CPEB3: variants seen among roughly 807,000 people sequenced by gnomAD.
CPEB3 encodes the protein cytoplasmic polyadenylation element-binding protein 3.
Under a neutral mutation model 67.2 loss-of-function variants are expected in CPEB3, and 20 were observed. That is an observed-to-expected ratio of 0.30 (90% CI 0.21 to 0.43). The LOEUF is 0.43. Ranked by LOEUF, CPEB3 falls within the 20% of genes least tolerant of loss-of-function variation. The pLI, the probability that CPEB3 is intolerant of heterozygous loss-of-function variation, is 1.00. For synonymous variants in CPEB3, 376 were observed against 393.1 expected (o/e 0.96, Z 0.51); for missense variants, 746 against 968.6 (o/e 0.77, Z 3.05).
At chr10:92,120,295 A>C (rs1021544234) in intron 6 of CPEB3, among the ~76,000 whole-genome samples, 1 of 148,862 alleles carries the variant, frequency 6.7e-6, no homozygotes, top group Non-Finnish European at 1.5e-5. Context: ...CAAAAAACCA[A>C]ATTGCTAGGC....
intron 5 of CPEB3, among the ~76,000 whole-genome samples, chr10:92,143,626 A>ATT (rs1846543314): frequency 6.6e-6 from 1 of 152,196 alleles, no homozygotes; most frequent in South Asian, 2.1e-4. Flanking sequence ...GTTCTCTTTA[A>ATT]TAACTACATA....
rs1341337834 is a variant in CPEB3, at chr10:92,203,156, T to A, written c.1006-10520A>T. On this transcript the variant is annotated intron_variant, in intron 2 of 9. Transcript: ENST00000265997. The stretch of plus-strand genomic sequence containing the variant: ...CAGGGTTTCACCGTGTTAGCCAGAA[T>A]GGTCTTGATCTCCGGACCTCATGAT... Among the ~76,000 whole-genome samples the A allele has an allele frequency of 2.0e-5, 3 of 151,324 alleles. No homozygotes were observed. In the East Asian group the frequency reaches 5.8e-4, roughly 29 times the overall value.
At chr10:92,103,296 A>G (rs1363628669) in intron 7 of CPEB3, among the ~76,000 whole-genome samples, 9 of 152,226 alleles carry the variant, frequency 5.9e-5, no homozygotes, top group Admixed American at 4.6e-4. Context: ...GAAAGCATAA[A>G]CATAATAGCT....
rs1166249584 is a variant in CPEB3, at chr10:92,098,160, T to TAA, written c.1573-6218_1573-6217dup. On this transcript the variant is annotated intron_variant, in intron 7 of 9. Coordinates refer to ENST00000265997, the MANE Select transcript of CPEB3 (RefSeq NM_014912.5). ...TGGGCAACAAGAGTGACACTCTGCCTAAAAAAAAAAAAAAAAAAAAAAAAA... is the reference window on the plus strand; with the variant it reads ...TGGGCAACAAGAGTGACACTCTGCCTAAAAAAAAAAAAAAAAAAAAAAAAAAA... 1.9e-3 allele frequency among the ~76,000 whole-genome samples: 68 copies of TAA among 36,126 alleles called. 11 individuals are homozygous for TAA. Among genetic ancestry groups the TAA allele is most frequent in the East Asian group, 5.3e-3 (5 of 950 alleles). The allele number at this position is 36,126 out of a possible 152,430, so 23.7% of individuals were successfully genotyped here. A position where few individuals can be genotyped will look rare whatever the true frequency, so the allele number is the denominator to read the frequency against.
chr10:92,188,770 T>C (rs536597074), intron 3 of CPEB3, among the ~76,000 whole-genome samples: 1 of 152,342 alleles, frequency 6.6e-6, no homozygotes, highest in South Asian at 2.1e-4. Flanking sequence ...TTTGTTTAAA[T>C]ATGCATTCTG....
intron 2 of CPEB3, chr10:92,216,842 A>C: frequency 6.4e-7 from 1 of 1,561,538 alleles, no homozygotes; most frequent in Non-Finnish European, 8.8e-7. Context: ...TACTGGGCTG[A>C]CGGCAGGACG....
chr10:92,179,325 T>A (rs1421322999), intron 4 of CPEB3, among the ~76,000 whole-genome samples: 1 of 152,198 alleles, frequency 6.6e-6, no homozygotes, highest in Non-Finnish European at 1.5e-5. Context: ...GAAAAATGTC[T>A]TTTAGCTCCA....
chr10:92,076,006 G>A (rs989256808), intron 9 of CPEB3, among the ~76,000 whole-genome samples: 2 of 152,160 alleles, frequency 1.3e-5, no homozygotes, highest in African/African-American at 4.8e-5. Context: ...TGCTTTCATT[G>A]TTCCAACACT....
intron 6 of CPEB3, among the ~76,000 whole-genome samples, chr10:92,126,514 T>C (rs1845615249): frequency 6.6e-6 from 1 of 152,176 alleles, no homozygotes; most frequent in South Asian, 2.1e-4. Context: ...ACTCCAGCTA[T>C]GTGAGTATGA....
chr10:92,125,624 G>T (rs1171323413), intron 6 of CPEB3, among the ~76,000 whole-genome samples: 1 of 152,146 alleles, frequency 6.6e-6, no homozygotes, highest in Non-Finnish European at 1.5e-5. Context: ...TATTTTCCCA[G>T]TGGGCAATGA....
In CPEB3 at chr10:92,071,401, G is replaced by C. The variant is rs187879185; in HGVS notation, c.1869+9919C>G. On this transcript the variant is annotated intron_variant, in intron 9 of 9. Transcript: ENST00000265997. ...CTATCAAGTCATATGTTTTTGCTAGGCTAAGGGATATTCAACTGATTCTAC... is the reference window on the plus strand; with the variant it reads ...CTATCAAGTCATATGTTTTTGCTAGCCTAAGGGATATTCAACTGATTCTAC... Among the ~76,000 whole-genome samples the C allele has an allele frequency of 5.7e-4, 86 of 152,110 alleles. 1 individual carries two copies. The highest frequency in any genetic ancestry group is 1.5e-3 in the Admixed American group (23 of 15,264).
At position 92,192,627 on chromosome 10, in the gene CPEB3, T is replaced by C. The variant is rs1261452909; in HGVS notation, c.1015A>G (p.Arg339Gly). ...NNLLPFQDRSRPYDTFNLHSL... is the reference protein window; with the variant it reads ...NNLLPFQDRSGPYDTFNLHSL... ...TGCAAGTTAAAAGTATCATAGGGCC[T>C]ACTCCGGTCCTAAGAATAAAAACAA... is the stretch of plus-strand genomic sequence containing the variant. Residue 339 changes from arginine (R) to glycine (G), a missense_variant, in exon 3 of 10, where the codon AGG (arginine) becomes GGG (glycine). Coordinates refer to ENST00000265997, the MANE Select transcript of CPEB3 (RefSeq NM_014912.5). 6.3e-7 allele frequency: 1 copy of C among 1,593,880 alleles called. No homozygotes were observed. The highest frequency in any genetic ancestry group is 8.5e-7 in the Non-Finnish European group (1 of 1,170,910).
chr10:92,146,773 G>C (rs1320182051), intron 4 of CPEB3, among the ~76,000 whole-genome samples: 1 of 152,100 alleles, frequency 6.6e-6, no homozygotes, highest in Non-Finnish European at 1.5e-5. Context: ...ATCTTTTTTA[G>C]CCTGGCAGCA....
intron 9 of CPEB3, among the ~76,000 whole-genome samples, chr10:92,065,879 A>G (rs1322597195): frequency 6.6e-6 from 1 of 151,964 alleles, no homozygotes; most frequent in Non-Finnish European, 1.5e-5. Context: ...AGATCATTTG[A>G]GCTCAGGAGC....
intron 1 of CPEB3, among the ~76,000 whole-genome samples, chr10:92,249,049 G>A (rs964163959): frequency 6.6e-6 from 1 of 151,868 alleles, no homozygotes; most frequent in African/African-American, 2.4e-5. Context: ...TGATACTGGT[G>A]TAAACAAAGC....
At chr10:92,090,540 T>TCAAA (rs1012149342) in intron 8 of CPEB3, among the ~76,000 whole-genome samples, 39 of 152,202 alleles carry the variant, frequency 2.6e-4, no homozygotes, top group African/African-American at 8.0e-4. Flanking sequence ...AGACTCCATC[T>TCAAA]CAAACAAACA....
intron 4 of CPEB3, among the ~76,000 whole-genome samples, chr10:92,157,198 C>T (rs944986628): frequency 1.3e-5 from 2 of 152,068 alleles, no homozygotes; most frequent in African/African-American, 2.4e-5. Flanking sequence ...TTTTCACTTC[C>T]CTGTTTTTTT....
chr10:92,275,912 G>A (rs909383441), intron 1 of CPEB3, among the ~76,000 whole-genome samples: 40 of 143,704 alleles, frequency 2.8e-4, no homozygotes, highest in Middle Eastern at 3.8e-3. Flanking sequence ...GCAGTGTCGC[G>A]ATCTTGGCTC....
intron 2 of CPEB3, among the ~76,000 whole-genome samples, chr10:92,211,193 A>G (rs1850064545): frequency 6.6e-6 from 1 of 152,262 alleles, no homozygotes; most frequent in South Asian, 2.1e-4. Context: ...GTGGAACAAT[A>G]TAAGCATTCA....
Sources: gnomAD v4.1 joint callset for allele counts (sites outside exome capture counted in the v4.1 genomes callset) on GRCh38, gnomAD v4.1.1 for gene constraint, MANE v1.5 for transcripts, NCBI Gene and HGNC (gene_info 2026-07-23, HGNC 2026-07-21) for gene names.